PDE4DIP: variants seen among roughly 807,000 people sequenced by gnomAD.
The protein encoded by PDE4DIP is phosphodiesterase 4D interacting protein, also known as myomegalin.
Under a neutral mutation model 221.4 loss-of-function variants are expected in PDE4DIP, and 59 were observed. The observed-to-expected ratio is 0.27, with a 90% CI of 0.22 to 0.33. The LOEUF is 0.33. Among genes scored for constraint, PDE4DIP ranks in the 10% least tolerant of loss-of-function variants. The pLI is 1.00. For synonymous variants in PDE4DIP, 404 were observed against 815.9 expected (o/e 0.50, Z 8.60); for missense variants, 1,036 against 2,154.2 (o/e 0.48, Z 10.28).
At chr1:149,012,843 G>C in intron 32 of PDE4DIP, 67 bp downstream of exon 35, 1 of 908,980 alleles carries the variant, frequency 1.1e-6, no homozygotes, top group Non-Finnish European at 1.6e-6. Context: ...GCATGGCTCG[G>C]GCTGGATGGC....
At chr1:148,859,830 ATGTGTGTGTGTGTG>A (rs4068415) in intron 1 of PDE4DIP, among the ~76,000 whole-genome samples, 1 of 105,150 alleles carries the variant, frequency 9.5e-6, no homozygotes, top group Admixed American at 8.9e-5. Flanking sequence ...GTGTGTGTGT[ATGTGTGTGTGTGTG>A]TGTGTGTCCA....
rs139225578 is a variant in PDE4DIP at position 149,010,523 on chromosome 1, G to A, written c.5008G>A (p.Glu1670Lys). The change falls in exon 31 of 44, where the codon GAA (glutamate) becomes AAA (lysine). Residue 1670 changes from glutamate (E) to lysine (K), a missense_variant. Transcript: ENST00000369354. ...CAGTGCATCTCAGGGGGCTAAGGCC[G>A]AATCCAACAGCAACCCCATCAGCTT... 4.0e-4 allele frequency: 648 copies of A among 1,613,728 alleles called. No individual in the cohort carries two copies. The African/African-American group carries it at 4.4e-3, about 11-fold the overall frequency.
At chr1:148,864,240 CA>C (rs1171659816) in intron 2 of PDE4DIP, among the ~76,000 whole-genome samples, 2 of 124,770 alleles carry the variant, frequency 1.6e-5, no homozygotes, top group African/African-American at 3.5e-5. Flanking sequence ...GACTCAGTCT[CA>C]AAAAAAATTA....
intron 23 of PDE4DIP, among the ~76,000 whole-genome samples, chr1:148,999,408 T>C (rs2065087859): frequency 6.6e-6 from 1 of 152,226 alleles, no homozygotes; most frequent in Non-Finnish European, 1.5e-5. Context: ...GGCCCAGGCA[T>C]CTAGCCTCAT....
chr1:149,019,637 A>G (rs1278377145), intron 35 of PDE4DIP: 1 of 152,770 alleles, frequency 6.5e-6, no homozygotes, highest in Non-Finnish European at 1.5e-5. Flanking sequence ...AAGAGATTTA[A>G]ACGAGTACAA....
intron 23 of PDE4DIP, among the ~76,000 whole-genome samples, chr1:148,998,761 G>A (rs2798899): frequency 1.4e-5 from 2 of 146,602 alleles, no homozygotes; most frequent in East Asian, 4.5e-4. Flanking sequence ...CGTTGAGATA[G>A]AATCTCGCTC....
intron 21 of PDE4DIP, 100 bp downstream of exon 24, chr1:148,981,497 C>T (rs2061066807): frequency 2.1e-6 from 3 of 1,406,660 alleles, no homozygotes; most frequent in Non-Finnish European, 3.0e-6. Context: ...TTGCACTAAC[C>T]AGAAAGATCC....
intron 23 of PDE4DIP, among the ~76,000 whole-genome samples, chr1:149,000,836 A>G (rs1400221271): frequency 6.6e-6 from 1 of 151,608 alleles, no homozygotes; most frequent in Non-Finnish European, 1.5e-5. Flanking sequence ...GAGGCTCAAA[A>G]AAGTTAAGTG....
chr1:148,885,175 TAAG>T (rs1695470579), upstream of PDE4DIP, among the ~76,000 whole-genome samples: 1 of 144,972 alleles, frequency 6.9e-6, no homozygotes, highest in Non-Finnish European at 1.5e-5. Context: ...ACAAAATAAA[TAAG>T]AAAATGTATT....
chr1:148,981,631 C>G (rs1236591180), intron 21 of PDE4DIP: 1 of 488,866 alleles, frequency 2.0e-6, no homozygotes, highest in African/African-American at 1.9e-5. Context: ...ATATCAATCC[C>G]TAAATTGAAT....
Position 148,919,204 on chromosome 1 carries a change from C to A in PDE4DIP, c.142-9993C>A, listed in dbSNP as rs1159674254. Among the ~76,000 whole-genome samples, 8 of 148,448 alleles carry A rather than the reference C, an allele frequency of 5.4e-5. No individual in the cohort carries two copies. The East Asian group carries it at 1.2e-3, about 22-fold the overall frequency. On this transcript the variant is annotated intron_variant, in intron 1 of 43. Coordinates refer to ENST00000369354, the Ensembl canonical transcript of PDE4DIP. Reference sequence around the variant, plus strand: ...AAACTTAATGCTTTGCATTTGAATACCTTCTGATAGGTGGCTAGGTGTCTC... The same window carrying A: ...AAACTTAATGCTTTGCATTTGAATAACTTCTGATAGGTGGCTAGGTGTCTC...
chr1:148,962,650 T>G lies in PDE4DIP; in HGVS notation c.1194+10T>G. 1.8e-6 allele frequency: 1 copy of G among 566,070 alleles called. No homozygotes were observed. Among genetic ancestry groups the G allele is most frequent in the Non-Finnish European group, 3.1e-6 (1 of 324,184 alleles). 35.1% of individuals were successfully genotyped at this position (566,070 alleles called of 1,614,324 possible). A position where few individuals can be genotyped will look rare whatever the true frequency, so the allele number is the denominator to read the frequency against. On this transcript the variant is annotated intron_variant, in intron 9 of 43. Transcript: ENST00000369354. The stretch of plus-strand genomic sequence containing the variant: ...TTGGAAACATAACCAGGTAAATCAT[T>G]AACTATTTTATTGCCCTAAATGCTG...
chr1:149,007,318 A>G, exon 28 of PDE4DIP: 6 of 1,557,524 alleles, frequency 3.9e-6, no homozygotes, highest in Non-Finnish European at 5.3e-6. Context: ...ATACAGTAAA[A>G]TCTTTTGAGG....
intron 21 of PDE4DIP, among the ~76,000 whole-genome samples, chr1:148,987,313 A>G (rs1385703865): frequency 6.6e-6 from 1 of 152,158 alleles, no homozygotes; most frequent in East Asian, 1.9e-4. Context: ...GAATCTTAAT[A>G]GTTTTCTTAT....
chr1:149,010,310 G>A lies in PDE4DIP; in HGVS notation c.4928-133G>A, dbSNP rs1356474375. The A allele has an allele frequency of 9.1e-6, 6 of 660,126 alleles. No homozygotes were observed. The African/African-American group carries it at 1.1e-4, about 12-fold the overall frequency. 40.9% of individuals were successfully genotyped at this position (660,126 alleles called of 1,614,324 possible). ...GTCTGCAAGCAAGAAAATGAACACT[G>A]CTAACAGTGCTTGTGCTTGGTTCTT... On this transcript the variant is annotated intron_variant, in intron 30 of 43. Transcript: ENST00000369354.
intron 21 of PDE4DIP, among the ~76,000 whole-genome samples, chr1:148,987,519 T>C (rs1256760004): frequency 6.6e-6 from 1 of 152,166 alleles, no homozygotes; most frequent in Non-Finnish European, 1.5e-5. Flanking sequence ...CTGAGAGTAT[T>C]AGACACAAGG....
chr1:148,855,951 G>A (rs3910883), intron 1 of PDE4DIP, among the ~76,000 whole-genome samples: 191 of 123,768 alleles, frequency 1.5e-3, no homozygotes, highest in African/African-American at 4.6e-3. Context: ...CCTTTCCCGC[G>A]TTTCAGTTTA....
intron 1 of PDE4DIP, among the ~76,000 whole-genome samples, chr1:148,822,630 C>T (rs1163016907): frequency 6.8e-6 from 1 of 146,922 alleles, no homozygotes; most frequent in African/African-American, 2.5e-5. Flanking sequence ...CATGAAGTTG[C>T]CTGTTCTCTT....
At chr1:149,010,617 A>T in intron 31 of PDE4DIP, 22 bp downstream of exon 34, 1 of 1,611,648 alleles carries the variant, frequency 6.2e-7, no homozygotes, top group Non-Finnish European at 8.5e-7. Flanking sequence ...CCAATGGGGC[A>T]GAAGCTTCAT....
Sources: allele counts gnomAD v4.1 joint callset (sites outside exome capture counted in the v4.1 genomes callset), GRCh38; gene constraint gnomAD v4.1.1; transcripts MANE v1.5; gene names NCBI Gene and HGNC (gene_info 2026-07-23, HGNC 2026-07-21).